Variants in LARP1 observed in about 807,000 individuals in gnomAD.
LARP1 encodes la-related protein 1.
In LARP1, 36 loss-of-function variants were observed where a neutral mutation model predicts 122.7. The ratio of observed to expected loss-of-function variants is 0.29; its 90% CI spans 0.22 to 0.39. The LOEUF is 0.39. LARP1 is among the 10% of genes least tolerant of loss of function. The probability of loss-of-function intolerance (pLI) is 1.00; values close to 1 mark genes in which losing one functional copy is unlikely to be tolerated. For missense variants in LARP1, 1,040 were observed against 1,403.6 expected, an observed-to-expected ratio of 0.74 and a Z score of 4.14; for synonymous variants, 539 against 528.7, an observed-to-expected ratio of 1.02 and a Z score of -0.27.
chr5:154,796,944 G>T (rs1051907714), intron 8 of LARP1, among the ~76,000 whole-genome samples: 3 of 152,086 alleles, frequency 2.0e-5, no homozygotes, highest in African/African-American at 7.2e-5. Flanking sequence ...AAGCTTATGG[G>T]CTCAAACGTA....
chr5:154,765,694 A>G (rs1044653190), intron 1 of LARP1, among the ~76,000 whole-genome samples: 5 of 152,000 alleles, frequency 3.3e-5, no homozygotes, highest in African/African-American at 4.8e-5. Flanking sequence ...GCACCTGGCT[A>G]TTTTTCTTCT....
At chr5:154,687,619 G>A (rs989611039) in intron 1 of LARP1, among the ~76,000 whole-genome samples, 17 of 152,182 alleles carry the variant, frequency 1.1e-4, no homozygotes, top group African/African-American at 3.9e-4. Context: ...CTGAACTCGT[G>A]ATCTGCCTGC....
intron 1 of LARP1, among the ~76,000 whole-genome samples, chr5:154,683,234 A>G (rs946268226): frequency 6.6e-6 from 1 of 152,230 alleles, no homozygotes; most frequent in Non-Finnish European, 1.5e-5. Flanking sequence ...TCTCAGCCGC[A>G]CATGCAAATT....
At chr5:154,778,549 C>T (rs748721331) in intron 1 of LARP1, among the ~76,000 whole-genome samples, 15 of 152,086 alleles carry the variant, frequency 9.9e-5, no homozygotes, top group African/African-American at 3.4e-4. Flanking sequence ...CCTGGAAAGC[C>T]GGCTGCATTT....
intron 13 of LARP1, 112 bp from the exon 14 acceptor site, chr5:154,804,089 A>C (rs1233393011): frequency 1.3e-6 from 1 of 794,528 alleles, no homozygotes; most frequent in African/African-American, 1.7e-5. Flanking sequence ...TGAATATGAA[A>C]ATGCTGTTGT....
chr5:154,790,647 T>A lies in LARP1; in HGVS notation c.501T>A (p.Val167=), dbSNP rs1405904730. The A allele has an allele frequency of 6.2e-7, 1 of 1,614,116 alleles. No homozygotes were observed. The highest frequency in any genetic ancestry group is 1.7e-5 in the Admixed American group (1 of 60,020). Residue 167 remains valine (V), a splice_region_variant and synonymous_variant, in exon 3 of 19, where the codon GTT becomes GTA. Coordinates refer to ENST00000518297, the MANE Select transcript of LARP1 (RefSeq NM_033551.3). ...AVPKQRKGSK[V]GDFGDAINWP... is the part of the protein sequence containing the mutation. ...CTCATAGTGTATGTTCCCTGCAGGT[T>A]GGTGACTTTGGAGATGCAATCAATT... is the stretch of plus-strand genomic sequence containing the variant.
intron 1 of LARP1, among the ~76,000 whole-genome samples, chr5:154,745,312 C>T (rs193049601): frequency 1.3e-5 from 2 of 152,324 alleles, no homozygotes; most frequent in Admixed American, 6.5e-5. Flanking sequence ...TTCTGAGCCT[C>T]AGTGTCCTCA....
chr5:154,693,662 T>A (rs1754327981), intron 1 of LARP1, among the ~76,000 whole-genome samples: 1 of 152,070 alleles, frequency 6.6e-6, no homozygotes, highest in African/African-American at 2.4e-5. Flanking sequence ...AAGACCATCC[T>A]GGCTAACACA....
At chr5:154,758,857 G>T (rs1754222610) in intron 1 of LARP1, among the ~76,000 whole-genome samples, 1 of 152,104 alleles carries the variant, frequency 6.6e-6, no homozygotes, top group African/African-American at 2.4e-5. Flanking sequence ...TTTCTTGTGG[G>T]GTTCTGTATT....
intron 1 of LARP1, among the ~76,000 whole-genome samples, chr5:154,730,134 G>A (rs1047148427): frequency 6.6e-5 from 10 of 152,136 alleles, no homozygotes; most frequent in Admixed American, 2.0e-4. Context: ...ACTGTTGTCC[G>A]TTTCCTACTT....
intron 1 of LARP1, chr5:154,786,428 T>C: frequency 2.2e-6 from 1 of 455,944 alleles, no homozygotes; most frequent in Non-Finnish European, 4.4e-6. Flanking sequence ...TAGTACTGGC[T>C]CCTGGCTATG....
At chr5:154,749,037 G>A (rs562428597) in intron 1 of LARP1, among the ~76,000 whole-genome samples, 1 of 152,212 alleles carries the variant, frequency 6.6e-6, no homozygotes, top group African/African-American at 2.4e-5. Flanking sequence ...GTCCACTGTT[G>A]CTGGAGTGTA....
intron 1 of LARP1, among the ~76,000 whole-genome samples, chr5:154,743,941 G>A (rs1488509955): frequency 1.3e-5 from 2 of 152,136 alleles, no homozygotes; most frequent in African/African-American, 4.8e-5. Context: ...GTATACTTTG[G>A]CTCAAGTGAT....
chr5:154,812,996 AC>A (rs1237305796), intron 18 of LARP1, among the ~76,000 whole-genome samples: 3 of 152,150 alleles, frequency 2.0e-5, no homozygotes, highest in African/African-American at 7.2e-5. Context: ...CCAAATCATC[AC>A]ATTTATTATT....
chr5:154,718,408 C>G (rs1423463551), intron 1 of LARP1: 1 of 152,118 alleles, frequency 6.6e-6, no homozygotes, highest in African/African-American at 2.4e-5. Flanking sequence ...TTATTTTGCC[C>G]AGGCTGGAGT....
At chr5:154,758,514 G>T (rs533343031) in intron 1 of LARP1, among the ~76,000 whole-genome samples, 3 of 152,326 alleles carry the variant, frequency 2.0e-5, no homozygotes, top group Admixed American at 6.5e-5. Flanking sequence ...TGATTGGGTT[G>T]TCAGTCTGGT....
intron 1 of LARP1, among the ~76,000 whole-genome samples, chr5:154,724,172 G>A (rs1473053268): frequency 6.6e-6 from 1 of 152,248 alleles, no homozygotes; most frequent in African/African-American, 2.4e-5. Context: ...AAGGCACCTT[G>A]TTTACTATAC....
intron 1 of LARP1, among the ~76,000 whole-genome samples, chr5:154,693,385 G>A (rs1310456491): frequency 6.6e-6 from 1 of 152,138 alleles, no homozygotes. Flanking sequence ...AAAAGAATAG[G>A]GAGAGGGCTA....
chr5:154,722,266 G>T (rs1755919146), intron 1 of LARP1, among the ~76,000 whole-genome samples: 1 of 152,176 alleles, frequency 6.6e-6, no homozygotes, highest in Non-Finnish European at 1.5e-5. Context: ...CCTGCAGGGA[G>T]GCTGCTGGAC....
Sources: gnomAD v4.1 joint callset for allele counts (sites outside exome capture counted in the v4.1 genomes callset) on GRCh38, gnomAD v4.1.1 for gene constraint, MANE v1.5 for transcripts, NCBI Gene and HGNC (gene_info 2026-07-23, HGNC 2026-07-21) for gene names.